Variants in CADPS observed in about 807,000 individuals in gnomAD.
CADPS encodes the protein calcium-dependent secretion activator 1.
In CADPS, 57 loss-of-function variants were observed where a neutral mutation model predicts 167.3. The ratio of observed to expected loss-of-function variants is 0.34; its 90% CI spans 0.28 to 0.42. The LOEUF is 0.42. Ranked by LOEUF, CADPS falls within the 20% of genes least tolerant of loss-of-function variation. The pLI is 1.00. For missense variants in CADPS, 1,414 were observed against 1,738.1 expected (o/e 0.81, Z 3.32); for synonymous variants, 676 against 635.3 (o/e 1.06, Z -0.96).
intron 6 of CADPS, among the ~76,000 whole-genome samples, chr3:62,616,215 G>A (rs112163053): frequency 3.9e-5 from 6 of 152,060 alleles, no homozygotes; most frequent in Non-Finnish European, 8.8e-5. Flanking sequence ...CTGATTGCTT[G>A]TAAATTTTTA....
intron 6 of CADPS, among the ~76,000 whole-genome samples, chr3:62,637,924 C>A (rs894360115): frequency 4.6e-5 from 7 of 151,902 alleles, no homozygotes; most frequent in African/African-American, 1.7e-4. Flanking sequence ...GGCACCTGGT[C>A]CATAGAAAAT....
chr3:62,691,302 G>A (rs1030889147), intron 3 of CADPS, among the ~76,000 whole-genome samples: 8 of 151,848 alleles, frequency 5.3e-5, no homozygotes, highest in South Asian at 2.1e-4. Context: ...AACCAAGAGC[G>A]AACCCTAATG....
In CADPS at chr3:62,412,236, C is replaced by G. The variant is rs892939909; in HGVS notation, c.3778-9051G>C. The stretch of plus-strand genomic sequence containing the variant: ...CTTTACAAAGCTATCAGTGCTGTGG[C>G]TTTTCAGGATGGCCGGGTCCTAAAG... On this transcript the variant is annotated intron_variant, in intron 28 of 29. Coordinates refer to ENST00000383710, the MANE Select transcript of CADPS (RefSeq NM_003716.4). This position sits in a 1 kb window ranked among gnomAD's most constrained non-coding sequence, Gnocchi z 4.1. Among the ~76,000 whole-genome samples the G allele has an allele frequency of 2.0e-5, 3 of 150,164 alleles. No individual in the cohort carries two copies. The highest frequency in any genetic ancestry group is 2.9e-5 in the Non-Finnish European group (2 of 67,800).
chr3:62,518,186 G>C lies in CADPS; in HGVS notation c.2356C>G (p.Leu786Val), dbSNP rs2069471522. 5 of 1,612,528 alleles carry C rather than the reference G, an allele frequency of 3.1e-6. No homozygotes were observed. The African/African-American group carries it at 5.3e-5, about 17-fold the overall frequency. ...ATCTGATTTTCTAGCAGAACTCGGA[G>C]CCTCTCTTTGATTTCTTCAAAACGT... ...KERFEEIKER[L>V]RVLLENQITH... Residue 786 changes from leucine (L) to valine (V), a missense_variant, in exon 14 of 30, where the codon CTC becomes GTC. Physicochemically the swap from Leu to Val is conservative, Grantham distance 32 (BLOSUM62 1). Transcript: ENST00000383710.
intron 2 of CADPS, among the ~76,000 whole-genome samples, chr3:62,758,380 G>A (rs1444850408): frequency 3.3e-5 from 5 of 152,198 alleles, no homozygotes; most frequent in Admixed American, 2.0e-4. Flanking sequence ...AGACAGTAAA[G>A]ATGAATTGCC....
At chr3:62,609,073 C>T (rs1165777673) in intron 6 of CADPS, among the ~76,000 whole-genome samples, 1 of 152,176 alleles carries the variant, frequency 6.6e-6, no homozygotes, top group East Asian at 1.9e-4. Context: ...GAACCAATCG[C>T]TCACCCCTGG....
At chr3:62,799,370 A>G (rs1362161323) in intron 1 of CADPS, among the ~76,000 whole-genome samples, 1 of 152,144 alleles carries the variant, frequency 6.6e-6, no homozygotes, top group African/African-American at 2.4e-5. Flanking sequence ...CCTAGATTCA[A>G]ATCGGCTCTG....
intron 1 of CADPS, among the ~76,000 whole-genome samples, chr3:62,845,847 T>A (rs879704976): frequency 6.6e-6 from 1 of 152,184 alleles, no homozygotes; most frequent in Admixed American, 6.5e-5. Flanking sequence ...GTATTTCCTG[T>A]GCTTTGATAG....
chr3:62,589,011 G>T (rs1412337479), intron 7 of CADPS, among the ~76,000 whole-genome samples: 3 of 152,160 alleles, frequency 2.0e-5, no homozygotes, highest in Admixed American at 1.3e-4. Context: ...GGGTGAGATA[G>T]AAGAGAAAAA....
At chr3:62,472,893 G>A (rs2060793642) in intron 24 of CADPS, among the ~76,000 whole-genome samples, 1 of 152,176 alleles carries the variant, frequency 6.6e-6, no homozygotes, top group African/African-American at 2.4e-5. Context: ...TACATACTGA[G>A]TATCCAGATC....
intron 3 of CADPS, among the ~76,000 whole-genome samples, chr3:62,746,317 G>T (rs1021049356): frequency 3.3e-5 from 5 of 152,126 alleles, no homozygotes; most frequent in Admixed American, 3.3e-4. Flanking sequence ...TCATGGGCCA[G>T]ACTTAATCAG....
intron 1 of CADPS, among the ~76,000 whole-genome samples, chr3:62,810,547 A>G (rs1177678455): frequency 6.6e-6 from 1 of 152,176 alleles, no homozygotes; most frequent in Admixed American, 6.5e-5. Context: ...TGTTTTTACA[A>G]ATGGTCTGTT....
intron 3 of CADPS, among the ~76,000 whole-genome samples, chr3:62,703,921 A>C (rs1042780566): frequency 3.3e-5 from 5 of 152,142 alleles, no homozygotes; most frequent in Admixed American, 6.5e-5. Context: ...CTCATCTGTA[A>C]TAGGGTGTCC....
At chr3:62,802,845 T>C (rs1490245208) in intron 1 of CADPS, among the ~76,000 whole-genome samples, 1 of 152,182 alleles carries the variant, frequency 6.6e-6, no homozygotes, top group African/African-American at 2.4e-5. Flanking sequence ...TTTCCTACTA[T>C]TCTCTGGTCT....
At chr3:62,474,624 A>G (rs778098776) in intron 23 of CADPS, among the ~76,000 whole-genome samples, 2 of 152,092 alleles carry the variant, frequency 1.3e-5, no homozygotes, top group Non-Finnish European at 2.9e-5. Flanking sequence ...ATTCACAAAA[A>G]CTCGATTATA....
At chr3:62,662,445 A>G (rs1389599329) in intron 3 of CADPS, 51 bp from the exon 4 acceptor site, 1 of 1,510,692 alleles carries the variant, frequency 6.6e-7, no homozygotes, top group Non-Finnish European at 9.2e-7. Context: ...ACAAGTGCCA[A>G]TAAACTCAGG....
intron 24 of CADPS, chr3:62,467,256 A>G (rs1234698708): frequency 2.7e-6 from 3 of 1,104,920 alleles, no homozygotes; most frequent in African/African-American, 1.7e-5. Context: ...ACAAAAAATA[A>G]CAATGCAAGA....
intron 3 of CADPS, among the ~76,000 whole-genome samples, chr3:62,742,329 C>CA (rs2080450152): frequency 6.6e-6 from 1 of 151,640 alleles, no homozygotes; most frequent in African/African-American, 2.4e-5. Flanking sequence ...GAAATCCTAC[C>CA]AAAAAAAGAA....
intron 1 of CADPS, among the ~76,000 whole-genome samples, chr3:62,852,534 TTCC>T (rs1157638873): frequency 1.3e-5 from 2 of 152,014 alleles, no homozygotes; most frequent in African/African-American, 4.8e-5. Context: ...CTGTTAACAG[TTCC>T]TCCTTTACTT....
Sources: allele counts gnomAD v4.1 joint callset (sites outside exome capture counted in the v4.1 genomes callset), GRCh38; gene constraint gnomAD v4.1.1; non-coding constraint Gnocchi (gnomAD v3.1); transcripts MANE v1.5; gene names NCBI Gene and HGNC (gene_info 2026-07-23, HGNC 2026-07-21).